The following TBPL2 variants were observed in gnomAD, a reference collection of about 807,000 sequenced individuals.
TBPL2 encodes the protein TATA-box binding protein like 2, also known as TATA box-binding protein-like 2.
TBPL2 carries 40 observed loss-of-function variants against 38.2 expected under a neutral mutation model. That is an observed-to-expected ratio of 1.05 (90% confidence interval 0.81 to 1.36). The LOEUF (loss-of-function observed/expected upper bound fraction) is 1.36. Ranked by LOEUF, TBPL2 falls within the 40% of genes most tolerant of loss-of-function variation. TBPL2 has a pLI of 0.00. For missense variants in TBPL2, 461 were observed against 456.7 expected (o/e 1.01, Z -0.09); for synonymous variants, 169 against 171.7 (o/e 0.98, Z 0.12).
In TBPL2 at chr14:55,437,004, T is replaced by C. The variant is rs375142903; in HGVS notation, c.165A>G (p.Pro55=). The C allele has an allele frequency of 1.4e-5, 23 of 1,613,992 alleles. No individual in the cohort carries two copies. In the African/African-American group the frequency reaches 2.9e-4, roughly 21 times the overall value. The change falls in exon 2 of 7, where the codon CCA becomes CCG. Residue 55 remains proline, a synonymous_variant. Coordinates refer to ENST00000247219, the Ensembl canonical transcript of TBPL2. The stretch of plus-strand genomic sequence containing the variant: ...CTGGGCTGAACAGGGGAGACCTGGG[T>C]GGGGCAAGGCCATCCTAGGCAGTTC...
intron 5 of TBPL2, among the ~76,000 whole-genome samples, 192 bp from the exon 6 acceptor site, chr14:55,424,445 A>C (rs141892885): frequency 2.0e-5 from 3 of 152,218 alleles, no homozygotes; most frequent in Non-Finnish European, 2.9e-5. Flanking sequence ...AGTTAGGAAC[A>C]TAATTAATTT....
intron 4 of TBPL2, among the ~76,000 whole-genome samples, chr14:55,430,398 TAAA>T (rs370880582): frequency 0.44 from 52,074 of 119,580 alleles, 11,688 homozygotes; most frequent in African/African-American, 0.6. Flanking sequence ...TCACCCACTT[TAAA>T]AAAAAAAAAA....
At chr14:55,422,113 C>T (rs6573025) in intron 6 of TBPL2, among the ~76,000 whole-genome samples, 14,995 of 151,984 alleles carry the variant, frequency 0.099, 2,291 homozygotes, top group African/African-American at 0.32. Flanking sequence ...AAGGCAGAAC[C>T]GAAGAACAGC....
At chr14:55,418,584 CCACT>C (rs1159559973) in intron 6 of TBPL2, among the ~76,000 whole-genome samples, 1 of 152,038 alleles carries the variant, frequency 6.6e-6, no homozygotes, top group African/African-American at 2.4e-5. Flanking sequence ...TGTCTCTGGC[CCACT>C]CACTAACAAG....
exon 3 of TBPL2, chr14:55,435,862 T>C: frequency 6.4e-7 from 1 of 1,569,024 alleles, no homozygotes; most frequent in Non-Finnish European, 8.6e-7. Context: ...GGTTATATTC[T>C]GCATTTTTTG....
intron 1 of TBPL2, among the ~76,000 whole-genome samples, chr14:55,439,192 GC>G (rs1566596346): frequency 6.7e-6 from 1 of 150,272 alleles, no homozygotes; most frequent in East Asian, 2.0e-4. Context: ...ACGTGCCTCG[GC>G]CTCCCAAAGT....
At chr14:55,426,875 T>C (rs1177275641) in intron 5 of TBPL2, among the ~76,000 whole-genome samples, 1 of 152,216 alleles carries the variant, frequency 6.6e-6, no homozygotes, top group East Asian at 1.9e-4. Context: ...GCACCTATTC[T>C]AGACTTAGAT....
intron 5 of TBPL2, among the ~76,000 whole-genome samples, chr14:55,425,921 C>T (rs1174387048): frequency 3.3e-5 from 5 of 152,140 alleles, no homozygotes; most frequent in South Asian, 4.1e-4. Flanking sequence ...ATGGTAGTCA[C>T]CTAGATCTTA....
intron 1 of TBPL2, among the ~76,000 whole-genome samples, chr14:55,439,452 G>A (rs1206144393): frequency 2.6e-5 from 4 of 151,900 alleles, no homozygotes; most frequent in Non-Finnish European, 5.9e-5. Context: ...GGAACCTGAA[G>A]TCACTACAGC....
At chr14:55,421,914 A>C (rs1885750889) in intron 6 of TBPL2, among the ~76,000 whole-genome samples, 1 of 152,190 alleles carries the variant, frequency 6.6e-6, no homozygotes, top group Non-Finnish European at 1.5e-5. Context: ...GGTAATATAA[A>C]AGTCTCAATT....
At chr14:55,436,481 C>T (rs1188445264) in intron 2 of TBPL2, 80 bp downstream of exon 2, 1 of 1,228,544 alleles carries the variant, frequency 8.1e-7, no homozygotes, top group Non-Finnish European at 1.2e-6. Flanking sequence ...CTACTATTAT[C>T]CTGAAATTAG....
intron 6 of TBPL2, among the ~76,000 whole-genome samples, chr14:55,420,984 C>T (rs560615929): frequency 1.4e-5 from 2 of 147,192 alleles, no homozygotes; most frequent in African/African-American, 4.9e-5. Flanking sequence ...TGGCGTGAAC[C>T]CGGGAGGCGG....
chr14:55,419,877 T>C (rs550016691), intron 6 of TBPL2, among the ~76,000 whole-genome samples: 1 of 152,326 alleles, frequency 6.6e-6, no homozygotes, highest in Non-Finnish European at 1.5e-5. Flanking sequence ...ACACTTTACA[T>C]TTTCTAGGCA....
chr14:55,428,882 T>C (rs775251108), exon 5 of TBPL2: 1 of 1,614,162 alleles, frequency 6.2e-7, no homozygotes, highest in South Asian at 1.1e-5. Context: ...TCCAACCATG[T>C]TCTGAATTTT....
intron 6 of TBPL2, among the ~76,000 whole-genome samples, chr14:55,418,647 C>T (rs1885701947): frequency 6.6e-6 from 1 of 152,184 alleles, no homozygotes; most frequent in African/African-American, 2.4e-5. Context: ...CCGAGAAGCA[C>T]AGATGTTGAG....
chr14:55,416,659 T>G (rs1885673898), intron 6 of TBPL2, among the ~76,000 whole-genome samples: 1 of 152,192 alleles, frequency 6.6e-6, no homozygotes, highest in African/African-American at 2.4e-5. Flanking sequence ...AAAACCAAAC[T>G]CTTTAGAAAC....
exon 1 of TBPL2, chr14:55,440,527 G>C: frequency 6.2e-7 from 1 of 1,608,090 alleles, no homozygotes. Context: ...ACCCGCTCCG[G>C]CCAGGGCGCA....
chr14:55,428,200 G>C (rs1885862821), intron 5 of TBPL2, among the ~76,000 whole-genome samples: 1 of 138,160 alleles, frequency 7.2e-6, no homozygotes, highest in African/African-American at 2.8e-5. Flanking sequence ...CGCGAGGTCG[G>C]CTCACTGCAA....
intron 3 of TBPL2, among the ~76,000 whole-genome samples, chr14:55,435,424 C>T (rs1441206668): frequency 7.2e-5 from 11 of 151,972 alleles, no homozygotes; most frequent in East Asian, 1.9e-4. Context: ...TACAGGCACC[C>T]GCCACAACAT....
Sources: gnomAD v4.1 joint callset for allele counts (sites outside exome capture counted in the v4.1 genomes callset) on GRCh38, gnomAD v4.1.1 for gene constraint, MANE v1.5 for transcripts, NCBI Gene and HGNC (gene_info 2026-07-23, HGNC 2026-07-21) for gene names.